The following PLPPR5 variants were observed in gnomAD, a reference collection of about 807,000 sequenced individuals.
PLPPR5 encodes phospholipid phosphatase-related protein type 5.
A neutral mutation model predicts 33.9 loss-of-function variants in PLPPR5; 16 were observed. The ratio of observed to expected loss-of-function variants is 0.47; its 90% CI spans 0.32 to 0.72. PLPPR5 has a LOEUF of 0.72. Among genes scored for constraint, PLPPR5 ranks in the 30% least tolerant of loss-of-function variants. The probability of loss-of-function intolerance (pLI) is 0.03; values close to 1 mark genes in which losing one functional copy is unlikely to be tolerated. For synonymous variants in PLPPR5, 163 were observed against 150.3 expected (o/e 1.08, Z -0.62); for missense variants, 301 against 406.7 (o/e 0.74, Z 2.23).
At chr1:98,950,661 A>G (rs1650746283) in intron 3 of PLPPR5, among the ~76,000 whole-genome samples, 2 of 152,172 alleles carry the variant, frequency 1.3e-5, no homozygotes, top group Admixed American at 1.3e-4. Context: ...GCAAAATCTA[A>G]CATGTACTGT....
At chr1:98,975,497 C>T (rs796854478) in intron 1 of PLPPR5, among the ~76,000 whole-genome samples, 3 of 152,076 alleles carry the variant, frequency 2.0e-5, no homozygotes, top group African/African-American at 7.2e-5. Flanking sequence ...TATTTGTTGC[C>T]AATATTTGCA....
chr1:98,972,862 G>A (rs1651705621), intron 1 of PLPPR5, among the ~76,000 whole-genome samples: 2 of 152,108 alleles, frequency 1.3e-5, no homozygotes, highest in South Asian at 2.1e-4. Context: ...GAGACTTCTG[G>A]TAGGGATGGA....
intron 3 of PLPPR5, among the ~76,000 whole-genome samples, chr1:98,952,063 G>T (rs172627): frequency 1.3e-5 from 2 of 151,976 alleles, no homozygotes; most frequent in Middle Eastern, 3.4e-3. Flanking sequence ...TGAAGTTTGA[G>T]GCCAGCCTGG....
At chr1:98,966,657 G>A (rs1440472582) in intron 1 of PLPPR5, among the ~76,000 whole-genome samples, 4 of 152,138 alleles carry the variant, frequency 2.6e-5, no homozygotes, top group Admixed American at 2.6e-4. Flanking sequence ...AAGGATATGA[G>A]GTCAAGAATT....
chr1:98,923,452 A>G (rs1281080704), intron 3 of PLPPR5, among the ~76,000 whole-genome samples: 1 of 152,244 alleles, frequency 6.6e-6, no homozygotes, highest in Non-Finnish European at 1.5e-5. Context: ...GTAAACCAAA[A>G]TGAAAATTTA....
chr1:98,935,667 A>G (rs1000835221), intron 3 of PLPPR5, among the ~76,000 whole-genome samples: 2 of 152,198 alleles, frequency 1.3e-5, no homozygotes, highest in African/African-American at 4.8e-5. Context: ...AGCAAGGAAT[A>G]TGAGAACACA....
chr1:98,909,336 C>T (rs1649034634), intron 5 of PLPPR5, among the ~76,000 whole-genome samples: 1 of 144,818 alleles, frequency 6.9e-6, no homozygotes, highest in South Asian at 2.2e-4. Flanking sequence ...CTTTTCTTTT[C>T]TTTGTTTCTC....
intron 1 of PLPPR5, among the ~76,000 whole-genome samples, chr1:98,999,336 A>G (rs770142039): frequency 4.6e-5 from 7 of 152,158 alleles, no homozygotes; most frequent in Non-Finnish European, 1.0e-4. Flanking sequence ...ATTTACCTCA[A>G]TTTTACAATA....
At chr1:98,905,230 T>G (rs1460515638) in intron 5 of PLPPR5, among the ~76,000 whole-genome samples, 1 of 152,222 alleles carries the variant, frequency 6.6e-6, no homozygotes, top group Non-Finnish European at 1.5e-5. Context: ...AACTTCTTAA[T>G]GTTGCATAAA....
intron 1 of PLPPR5, among the ~76,000 whole-genome samples, chr1:99,000,609 G>A (rs1225963048): frequency 6.6e-6 from 1 of 152,056 alleles, no homozygotes; most frequent in African/African-American, 2.4e-5. Flanking sequence ...TTCCATTTCA[G>A]TCTCTCCTTC....
At chr1:98,911,978 A>G (rs1410818233) in intron 5 of PLPPR5, among the ~76,000 whole-genome samples, 3 of 152,136 alleles carry the variant, frequency 2.0e-5, no homozygotes, top group South Asian at 2.1e-4. Flanking sequence ...GTTACAGCCC[A>G]GGGTGGTCTC....
At chr1:98,910,477 C>A (rs1337766360) in intron 5 of PLPPR5, among the ~76,000 whole-genome samples, 4 of 152,198 alleles carry the variant, frequency 2.6e-5, no homozygotes, top group African/African-American at 9.6e-5. Flanking sequence ...AATTAAGTTT[C>A]TATGGCATAT....
Position 98,914,693 on chromosome 1 carries a change from C to A in PLPPR5, c.933+93G>T. The A allele has an allele frequency of 1.0e-5, 12 of 1,160,478 alleles. 1 individual carries two copies. In the South Asian group the frequency reaches 2.0e-4, roughly 19 times the overall value. 71.9% of individuals were successfully genotyped at this position (1,160,478 alleles called of 1,614,324 possible). A position where few individuals can be genotyped will look rare whatever the true frequency, so the allele number is the denominator to read the frequency against. The stretch of plus-strand genomic sequence containing the variant: ...TATCACATTACACTAAGTAAATCAA[C>A]ATAAACTGTGTGGACATGCTCCAGA... On this transcript the variant is annotated intron_variant, in intron 5 of 5. Coordinates refer to ENST00000263177, the MANE Select transcript of PLPPR5 (RefSeq NM_001037317.2).
chr1:98,952,285 A>G (rs1169903182), intron 3 of PLPPR5, among the ~76,000 whole-genome samples: 1 of 148,838 alleles, frequency 6.7e-6, no homozygotes, highest in African/African-American at 2.5e-5. Context: ...AAAAAAAAAA[A>G]TCTCTGACCT....
At chr1:98,958,684 A>C (rs1417640265) in intron 1 of PLPPR5, among the ~76,000 whole-genome samples, 1 of 152,116 alleles carries the variant, frequency 6.6e-6, no homozygotes, top group African/African-American at 2.4e-5. Context: ...TTGATACCTT[A>C]TCTCTCTTTC....
intron 1 of PLPPR5, among the ~76,000 whole-genome samples, chr1:98,970,095 T>G (rs1651608191): frequency 1.3e-5 from 2 of 152,054 alleles, no homozygotes; most frequent in Non-Finnish European, 2.9e-5. Context: ...TTAAGGCCAC[T>G]CATTTTTACT....
chr1:98,950,091 T>C (rs1650722223), intron 3 of PLPPR5, among the ~76,000 whole-genome samples: 1 of 152,212 alleles, frequency 6.6e-6, no homozygotes, highest in African/African-American at 2.4e-5. Flanking sequence ...AGGGCTAAAA[T>C]AATCTAATGT....
chr1:98,909,072 G>A (rs1046915161), intron 5 of PLPPR5, among the ~76,000 whole-genome samples: 10 of 151,546 alleles, frequency 6.6e-5, no homozygotes, highest in African/African-American at 1.9e-4. Context: ...AAAGAAGGAA[G>A]GAAGAAAGGA....
chr1:98,935,465 T>C (rs1650140565), intron 3 of PLPPR5, among the ~76,000 whole-genome samples: 1 of 152,180 alleles, frequency 6.6e-6, no homozygotes, highest in Non-Finnish European at 1.5e-5. Flanking sequence ...ATTTTCTTCA[T>C]TATATTTGTA....
Sources: gnomAD v4.1 joint callset for allele counts (sites outside exome capture counted in the v4.1 genomes callset) on GRCh38, gnomAD v4.1.1 for gene constraint, MANE v1.5 for transcripts, NCBI Gene and HGNC (gene_info 2026-07-23, HGNC 2026-07-21) for gene names.